Variants in PRR14L observed in about 807,000 individuals in gnomAD.
The protein encoded by PRR14L is proline rich 14 like.
In PRR14L, 80 loss-of-function variants were observed where a neutral mutation model predicts 155.0. That is an observed-to-expected ratio of 0.52 (90% CI 0.43 to 0.62). PRR14L has a LOEUF of 0.62. Ranked by LOEUF, PRR14L falls within the 20% of genes least tolerant of loss-of-function variation. PRR14L has a pLI of 0.00. For missense variants in PRR14L, 2,469 were observed against 2,548.0 expected, an observed-to-expected ratio of 0.97 and a Z score of 0.67; for synonymous variants, 883 against 916.0, an observed-to-expected ratio of 0.96 and a Z score of 0.65.
chr22:31,713,402 G>A lies in PRR14L; in HGVS notation c.4437C>T (p.Asp1479=). ...GGCAAGGACTTGTGCATGACTCAGTGTCCTTCCTTAATGGATGATGTAACC... is the reference window on the plus strand; with the variant it reads ...GGCAAGGACTTGTGCATGACTCAGTATCCTTCCTTAATGGATGATGTAACC... ...EERLHHPLRK[D]TESCTSPCLL... is the part of the protein sequence containing the mutation. The change falls in exon 4 of 9, where the codon GAC becomes GAT. Residue 1479 remains aspartate (D), a synonymous_variant. Transcript: ENST00000327423. The A allele has an allele frequency of 3.2e-6, 5 of 1,551,926 alleles. No individual in the cohort carries two copies.
At position 31,712,354 on chromosome 22, in the gene PRR14L, G is replaced by T. The variant is rs965157719; in HGVS notation, c.5485C>A (p.Pro1829Thr). The change falls in exon 4 of 9, where the codon CCA (proline) becomes ACA (threonine). Residue 1829 changes from proline (P) to threonine (T), a missense_variant. Physicochemically the swap from Pro to Thr is conservative, Grantham distance 38. Coordinates refer to ENST00000327423, the MANE Select transcript of PRR14L (RefSeq NM_173566.3). ...TTTGTCCAGATTCGGTAACATCCTGGGGAACAAAGTGCTAGAAGTGTGTGA... is the reference window on the plus strand; with the variant it reads ...TTTGTCCAGATTCGGTAACATCCTGTGGAACAAAGTGCTAGAAGTGTGTGA... ...GLHTLLALCS[P>T]GCYRIWTKKR... The T allele has an allele frequency of 6.2e-7, 1 of 1,613,712 alleles. No individual in the cohort carries two copies. The highest frequency in any genetic ancestry group is 8.5e-7 in the Non-Finnish European group (1 of 1,179,814).
At chr22:31,721,564 A>AC (rs2074690515) in intron 3 of PRR14L, among the ~76,000 whole-genome samples, 3 of 120,626 alleles carry the variant, frequency 2.5e-5, no homozygotes, top group Admixed American at 1.6e-4. Flanking sequence ...CAAGACTCAC[A>AC]AAAAAAAAAA....
Position 31,725,561 on chromosome 22 carries a change from G to A in PRR14L, c.524C>T (p.Pro175Leu), listed in dbSNP as rs1285658211. 10 of 1,550,682 alleles carry A rather than the reference G, an allele frequency of 6.4e-6. No individual in the cohort carries two copies. The highest frequency in any genetic ancestry group is 8.7e-6 in the Non-Finnish European group (10 of 1,146,182). ...ACCTTTGCTCCTTAGAAAATCTTCA[G>A]GGAGGTCCACATGTGAAAGTTCTTT... Reference protein sequence around the residue: ...SSKELSHVDLPEDFLRSKEGN... With the variant: ...SSKELSHVDLLEDFLRSKEGN... The change falls in exon 3 of 9, where the codon CCT becomes CTT. Residue 175 changes from proline (P) to leucine (L), a missense_variant. Pro to Leu is a moderately conservative substitution (Grantham distance 98). Transcript: ENST00000327423.
In PRR14L at chr22:31,713,735, G is replaced by A. The variant is rs368050763; in HGVS notation, c.4104C>T (p.Pro1368=). ...LVTRETGDGD[P]VSNISQTHFK... ...AATGGGTCTGAGAGATGTTGCTCACGGGATCGCCATCGCCAGTTTCTCTGG... is the reference window on the plus strand; with the variant it reads ...AATGGGTCTGAGAGATGTTGCTCACAGGATCGCCATCGCCAGTTTCTCTGG... The change falls in exon 4 of 9, where the codon CCC becomes CCT. Residue 1368 remains proline, a synonymous_variant. Transcript: ENST00000327423. 7 of 1,552,192 alleles carry A rather than the reference G, an allele frequency of 4.5e-6. No individual in the cohort carries two copies. The highest frequency in any genetic ancestry group is 2.4e-5 in the East Asian group (1 of 40,940).
At chr22:31,705,423 G>T (rs1420442388) in intron 4 of PRR14L, among the ~76,000 whole-genome samples, 1 of 151,996 alleles carries the variant, frequency 6.6e-6, no homozygotes, top group African/African-American at 2.4e-5. Flanking sequence ...GCCCAGGCTG[G>T]AGTGCAATGG....
intron 7 of PRR14L, among the ~76,000 whole-genome samples, chr22:31,694,677 G>T (rs1361431364): frequency 6.7e-6 from 1 of 150,336 alleles, no homozygotes; most frequent in Non-Finnish European, 1.5e-5. Context: ...GCGTGAACCC[G>T]GGAGGCAGAG....
At chr22:31,736,418 A>G (rs1182433015) in intron 2 of PRR14L, among the ~76,000 whole-genome samples, 1 of 151,988 alleles carries the variant, frequency 6.6e-6, no homozygotes, top group African/African-American at 2.4e-5. Flanking sequence ...TCACAGTGTA[A>G]ACTCAAATAT....
rs937792433 is a variant in PRR14L, at chr22:31,698,935, A to T, written c.6107+2721T>A. The stretch of plus-strand genomic sequence containing the variant: ...AGACTGTGTAAAAAAAAAAAAGTCT[A>T]ATACCAGAGTTTAATTCATGTATGC... On this transcript the variant is annotated intron_variant, in intron 7 of 8. Coordinates refer to ENST00000327423, the MANE Select transcript of PRR14L (RefSeq NM_173566.3). 5.3e-5 allele frequency among the ~76,000 whole-genome samples: 8 copies of T among 152,142 alleles called. No homozygotes were observed. The East Asian group carries it at 1.2e-3, about 22-fold the overall frequency.
In PRR14L at chr22:31,685,410, G is replaced by A. The variant is rs1432921720; in HGVS notation, c.*117C>T. 9.6e-6 allele frequency: 8 copies of A among 832,724 alleles called. No individual in the cohort carries two copies. Among genetic ancestry groups the A allele is most frequent in the African/African-American group, 1.7e-5 (1 of 57,352 alleles). 51.6% of individuals were successfully genotyped at this position (832,724 alleles called of 1,614,324 possible). ...TGGACTGTGCATTTTTGAGTGGTTT[G>A]GCGGTAGGGCAAAATTAGGCAACCT... is the stretch of plus-strand genomic sequence containing the variant. On this transcript the variant is annotated 3_prime_UTR_variant, in exon 9 of 9. Transcript: ENST00000327423.
chr22:31,693,751 TTG>T (rs1460553462), intron 7 of PRR14L, among the ~76,000 whole-genome samples: 1 of 152,314 alleles, frequency 6.6e-6, no homozygotes, highest in African/African-American at 2.4e-5. Context: ...ATCATATTTT[TTG>T]TTTCTGTACT....
intron 2 of PRR14L, among the ~76,000 whole-genome samples, chr22:31,730,215 G>A (rs2074740748): frequency 6.6e-6 from 1 of 151,814 alleles, no homozygotes; most frequent in Non-Finnish European, 1.5e-5. Flanking sequence ...CAAGGCGGGT[G>A]GATCACAAGG....
Position 31,703,674 on chromosome 22 carries a change from G to C in PRR14L, c.5876C>G (p.Ala1959Gly), listed in dbSNP as rs771496259. Residue 1959 changes from alanine (A) to glycine (G), a missense_variant, in exon 6 of 9, where the codon GCA becomes GGA. Ala to Gly is a moderately conservative substitution (Grantham distance 60). Around this residue, in one of 2 missense-constraint regions of PRR14L, gnomAD observed 2,363 missense variants for 2,371.6 expected, o/e 1.00. Transcript: ENST00000327423. ...CAGGAGCTTGCTGACAGCTGATTCT[G>C]CTACCAAGCAAGACTTTGGTACCAA... ...PALVPKSCLVAESAVSKLLLS... is the reference protein window; with the variant it reads ...PALVPKSCLVGESAVSKLLLS... The C allele has an allele frequency of 2.5e-6, 4 of 1,610,610 alleles. No homozygotes were observed. The African/African-American group carries it at 5.3e-5, about 22-fold the overall frequency.
intron 7 of PRR14L, among the ~76,000 whole-genome samples, chr22:31,689,111 T>C (rs1223322054): frequency 4.6e-5 from 7 of 152,140 alleles, no homozygotes; most frequent in African/African-American, 1.7e-4. Flanking sequence ...AACTATTGGG[T>C]TTATATTTGA....
intron 7 of PRR14L, among the ~76,000 whole-genome samples, chr22:31,689,054 C>G (rs1466775073): frequency 1.3e-5 from 2 of 152,206 alleles, no homozygotes; most frequent in Non-Finnish European, 2.9e-5. Flanking sequence ...TCCCCAGTAT[C>G]TTCCAAAGAT....
At chr22:31,699,105 C>T (rs1387045804) in intron 7 of PRR14L, among the ~76,000 whole-genome samples, 2 of 152,000 alleles carry the variant, frequency 1.3e-5, no homozygotes, top group African/African-American at 4.8e-5. Flanking sequence ...GCCGCGACCT[C>T]GGCTCACTGT....
At chr22:31,723,174 C>T (rs951893367) in intron 3 of PRR14L, among the ~76,000 whole-genome samples, 2 of 151,940 alleles carry the variant, frequency 1.3e-5, no homozygotes, top group Non-Finnish European at 2.9e-5. Flanking sequence ...ATTTCAAGCT[C>T]GCCTATACCA....
chr22:31,720,134 T>C (rs2147867304), intron 3 of PRR14L, among the ~76,000 whole-genome samples: 1 of 152,304 alleles, frequency 6.6e-6, no homozygotes, highest in African/African-American at 2.4e-5. Flanking sequence ...AATTAAATAA[T>C]GCATGTAAGA....
At chr22:31,733,718 A>G (rs1601514929) in intron 2 of PRR14L, among the ~76,000 whole-genome samples, 1 of 152,290 alleles carries the variant, frequency 6.6e-6, no homozygotes, top group Middle Eastern at 3.4e-3. Flanking sequence ...CCAGCAATGT[A>G]TTAGAATGTC....
At chr22:31,726,739 C>G (rs2074718626) in intron 2 of PRR14L, among the ~76,000 whole-genome samples, 1 of 152,124 alleles carries the variant, frequency 6.6e-6, no homozygotes, top group Non-Finnish European at 1.5e-5. Flanking sequence ...TGTTCCAACC[C>G]AAGGACTCTC....
Sources: allele counts gnomAD v4.1 joint callset (sites outside exome capture counted in the v4.1 genomes callset), GRCh38; gene constraint gnomAD v4.1.1; regional missense constraint gnomAD v4.1.1; transcripts MANE v1.5; gene names NCBI Gene and HGNC (gene_info 2026-07-23, HGNC 2026-07-21).